The following MRM1 variants were observed in gnomAD, a reference collection of about 807,000 sequenced individuals.
The protein encoded by MRM1 is rRNA methyltransferase 1, mitochondrial.
In MRM1, 24 loss-of-function variants were observed where a neutral mutation model predicts 25.0. That is an observed-to-expected ratio of 0.96 (90% CI 0.69 to 1.35). The LOEUF is 1.35. MRM1 is among the 40% of genes most tolerant of loss of function. The pLI, the probability that MRM1 is intolerant of heterozygous loss-of-function variation, is 0.00. For synonymous variants in MRM1, 188 were observed against 199.2 expected, an observed-to-expected ratio of 0.94 and a Z score of 0.47; for missense variants, 431 against 464.1, an observed-to-expected ratio of 0.93 and a Z score of 0.65.
chr17:36,628,749 A>G, the MRM1 span, among the ~76,000 whole-genome samples: 1 of 152,302 alleles, frequency 6.6e-6, no homozygotes, highest in South Asian at 2.1e-4. Flanking sequence ...GTTATTTCAC[A>G]CAATGCTCAT....
the MRM1 span, among the ~76,000 whole-genome samples, chr17:36,623,453 T>C: frequency 6.6e-6 from 1 of 152,232 alleles, no homozygotes; most frequent in Non-Finnish European, 1.5e-5. Context: ...ATTAGGGGTG[T>C]GCTCGAGGTT....
At chr17:36,613,057 CCT>C (rs1312841211), downstream of MRM1, among the ~76,000 whole-genome samples, 1 of 152,060 alleles carries the variant, frequency 6.6e-6, no homozygotes, top group Non-Finnish European at 1.5e-5. Flanking sequence ...GCTCCAAGAT[CCT>C]GAGATGCCGA....
the MRM1 span, among the ~76,000 whole-genome samples, chr17:36,616,237 GCCT>G: frequency 2.1e-3 from 322 of 152,300 alleles, 1 homozygote; most frequent in Non-Finnish European, 2.1e-3. Flanking sequence ...GAGGCTGATT[GCCT>G]CCTCTTCCTC....
intron 2 of MRM1, among the ~76,000 whole-genome samples, chr17:36,607,102 C>T (rs910616621): frequency 2.6e-4 from 39 of 151,684 alleles, no homozygotes; most frequent in Non-Finnish European, 7.4e-5. Flanking sequence ...TTAGTAGAGA[C>T]GGGGTTTCTC....
Position 36,608,535 on chromosome 17 carries a change from A to T in MRM1, c.*120A>T. ...CACCAGGCCCATGTTTATTGACCAC[A>T]GTCTGGGGGGGGGGGAAGGGGACTG... On this transcript the variant is annotated 3_prime_UTR_variant, in exon 5 of 5. Transcript: ENST00000614766. 4 of 317,638 alleles carry T rather than the reference A, an allele frequency of 1.3e-5. No individual in the cohort carries two copies. The highest frequency in any genetic ancestry group is 2.2e-5 in the Non-Finnish European group (4 of 181,190). 19.7% of individuals were successfully genotyped at this position (317,638 alleles called of 1,614,324 possible).
the MRM1 span, among the ~76,000 whole-genome samples, chr17:36,619,718 G>T: frequency 6.6e-6 from 1 of 151,230 alleles, no homozygotes; most frequent in Non-Finnish European, 1.5e-5. Context: ...ATACCCAGAA[G>T]TGGGATTGCT....
At position 36,601,801 on chromosome 17, in the gene MRM1, G is replaced by C; in HGVS notation, c.-10G>C. 1 of 1,528,310 alleles carries C rather than the reference G, an allele frequency of 6.5e-7. No homozygotes were observed. The highest frequency in any genetic ancestry group is 8.8e-7 in the Non-Finnish European group (1 of 1,139,948). 94.7% of individuals were successfully genotyped at this position (1,528,310 alleles called of 1,614,324 possible). A position where few individuals can be genotyped will look rare whatever the true frequency, so the allele number is the denominator to read the frequency against. Reference sequence around the variant, plus strand: ...GCAAGGGGCATCGAGTCCCTGGCGGGAGCTGCGCCATGGCATTGCTCTCGA... The same window carrying C: ...GCAAGGGGCATCGAGTCCCTGGCGGCAGCTGCGCCATGGCATTGCTCTCGA... On this transcript the variant is annotated 5_prime_UTR_variant, in exon 1 of 5. Coordinates refer to ENST00000614766, the MANE Select transcript of MRM1 (RefSeq NM_024864.5).
In MRM1 at chr17:36,602,356, C is replaced by T; in HGVS notation, c.542+4C>T. ...TCATCACCAGCCGGAGAAACAGGCACGGACGTCCCTCATTCTCTATGTGCC... is the reference window on the plus strand; with the variant it reads ...TCATCACCAGCCGGAGAAACAGGCATGGACGTCCCTCATTCTCTATGTGCC... On this transcript the variant is annotated splice_donor_region_variant and intron_variant, in intron 1 of 4. Transcript: ENST00000614766. This position sits in a 1 kb window ranked among gnomAD's most constrained non-coding sequence, Gnocchi z 4.1. 6.4e-7 allele frequency: 1 copy of T among 1,554,734 alleles called. No individual in the cohort carries two copies. The highest frequency in any genetic ancestry group is 8.7e-7 in the Non-Finnish European group (1 of 1,147,368).
At chr17:36,609,489 A>C (rs1261556970), downstream of MRM1, among the ~76,000 whole-genome samples, 1 of 152,200 alleles carries the variant, frequency 6.6e-6, no homozygotes, top group African/African-American at 2.4e-5. Context: ...TTTTGTTGTG[A>C]GAGCCATCCT....
At chr17:36,607,251 C>T (rs2074938293) in intron 2 of MRM1, among the ~76,000 whole-genome samples, 2 of 152,286 alleles carry the variant, frequency 1.3e-5, no homozygotes, top group African/African-American at 2.4e-5. Context: ...AGGTAATCTG[C>T]CTGCTTCAGC....
the MRM1 span, among the ~76,000 whole-genome samples, chr17:36,632,607 C>G: frequency 1.3e-5 from 2 of 152,138 alleles, no homozygotes; most frequent in Non-Finnish European, 2.9e-5. Flanking sequence ...TGCTCCCCCC[C>G]ACTGCCATCT....
the MRM1 span, among the ~76,000 whole-genome samples, chr17:36,616,018 C>T: frequency 9.2e-5 from 14 of 152,088 alleles, no homozygotes; most frequent in Non-Finnish European, 1.8e-4. Flanking sequence ...ACAACAACAA[C>T]GACAACAAAA....
intron 2 of MRM1, among the ~76,000 whole-genome samples, chr17:36,606,290 C>G (rs1284639942): frequency 1.3e-5 from 2 of 152,350 alleles, no homozygotes; most frequent in East Asian, 3.9e-4. Flanking sequence ...AGTGCCCTGT[C>G]CTCAGTGCCT....
In MRM1 at chr17:36,602,959, C is replaced by T. The variant is rs1320443538; in HGVS notation, c.636+313C>T. On this transcript the variant is annotated intron_variant, in intron 2 of 4. Transcript: ENST00000614766. This position sits in a 1 kb window ranked among gnomAD's most constrained non-coding sequence, Gnocchi z 4.1. ...GCTTCAGTAAATGCATTTTGTTCAG[C>T]TGTGGGGAGCTGCGTACAGGAGACC... is the stretch of plus-strand genomic sequence containing the variant. 1.0e-6 allele frequency: 1 copy of T among 985,288 alleles called. No homozygotes were observed. The highest frequency in any genetic ancestry group is 1.1e-4 in the East Asian group (1 of 8,830). The allele number at this position is 985,288 out of a possible 1,614,324, so 61.0% of individuals were successfully genotyped here. A position where few individuals can be genotyped will look rare whatever the true frequency, so the allele number is the denominator to read the frequency against.
chr17:36,633,110 G>C, the MRM1 span, among the ~76,000 whole-genome samples: 1 of 152,156 alleles, frequency 6.6e-6, no homozygotes, highest in African/African-American at 2.4e-5. Context: ...GCTCCCTGTG[G>C]GTGGCTTGCC....
At chr17:36,618,877 G>T in the MRM1 span, among the ~76,000 whole-genome samples, 1 of 152,246 alleles carries the variant, frequency 6.6e-6, no homozygotes, top group Non-Finnish European at 1.5e-5. Context: ...ATGTGACAGA[G>T]CTGGAACTCA....
chr17:36,628,429 G>C, the MRM1 span, among the ~76,000 whole-genome samples: 7 of 152,340 alleles, frequency 4.6e-5, no homozygotes, highest in East Asian at 1.2e-3. Flanking sequence ...ACTGGGCTGG[G>C]CTTCCGGAGG....
the MRM1 span, among the ~76,000 whole-genome samples, chr17:36,623,013 G>A: frequency 6.6e-6 from 1 of 152,208 alleles, no homozygotes; most frequent in Non-Finnish European, 1.5e-5. Flanking sequence ...ACGCCCCAGG[G>A]TGGGCATCTT....
rs202007668 is a variant in MRM1 at position 36,607,704 on chromosome 17, C to T, written c.671C>T (p.Thr224Met). 26 of 1,614,176 alleles carry T rather than the reference C, an allele frequency of 1.6e-5. No homozygotes were observed. Among genetic ancestry groups the T allele is most frequent in the South Asian group, 2.2e-5 (2 of 91,082 alleles). The change falls in exon 3 of 5, where the codon ACG becomes ATG. Residue 224 changes from threonine to methionine, a missense_variant. Transcript: ENST00000614766. Reference sequence around the variant, plus strand: ...CAGCAGGGCTGGCTCGTGGCCGGCACGGTGGGCTGCCCAAGCACAGAGGAT... The same window carrying T: ...CAGCAGGGCTGGCTCGTGGCCGGCATGGTGGGCTGCCCAAGCACAGAGGAT... The part of the protein sequence containing the change: ...KAQQGWLVAG[T>M]VGCPSTEDPQ...
Sources: allele counts gnomAD v4.1 joint callset (sites outside exome capture counted in the v4.1 genomes callset), GRCh38; gene constraint gnomAD v4.1.1; non-coding constraint Gnocchi (gnomAD v3.1); transcripts MANE v1.5; gene names NCBI Gene and HGNC (gene_info 2026-07-23, HGNC 2026-07-21).